Variants in THUMPD1 observed in about 807,000 individuals in gnomAD.
THUMPD1 encodes the protein THUMP domain 1 NAT10 acetyltransferase adaptor, also known as THUMP domain-containing protein 1.
In THUMPD1, 31 loss-of-function variants were observed where a neutral mutation model predicts 31.6. That is an observed-to-expected ratio of 0.98 (90% CI 0.74 to 1.32). The LOEUF (loss-of-function observed/expected upper bound fraction) is 1.32. THUMPD1 is among the 40% of genes most tolerant of loss of function. The pLI, the probability that THUMPD1 is intolerant of heterozygous loss-of-function variation, is 0.00. For missense variants in THUMPD1, 446 were observed against 427.8 expected (o/e 1.04, Z -0.38); for synonymous variants, 166 against 158.2 (o/e 1.05, Z -0.37).
At chr16:20,741,481 G>GACC in intron 1 of THUMPD1, 28 bp downstream of exon 1, 4 of 1,308,414 alleles carry the variant, frequency 3.1e-6, no homozygotes, top group South Asian at 1.8e-5. Context: ...CTGGCAGCCG[G>GACC]CCCGCCCGCC....
chr16:20,741,476 AGCCGGCCC>A, intron 1 of THUMPD1, 25 bp downstream of exon 1: 1 of 1,388,818 alleles, frequency 7.2e-7, no homozygotes, highest in Non-Finnish European at 9.5e-7. Flanking sequence ...AAGGCCTGGC[AGCCGGCCC>A]GCCCGCCCAC....
Position 20,741,545 on chromosome 16 carries a change from G to A in THUMPD1, c.195C>T (p.Leu65=). 2.6e-6 allele frequency: 4 copies of A among 1,516,584 alleles called. No homozygotes were observed. The highest frequency in any genetic ancestry group is 3.5e-6 in the Non-Finnish European group (4 of 1,133,068). 93.9% of individuals were successfully genotyped at this position (1,516,584 alleles called of 1,614,324 possible). A position where few individuals can be genotyped will look rare whatever the true frequency, so the allele number is the denominator to read the frequency against. ...CATACATGTCGTCGCCGTATTCGTT[G>A]AGGAGGCTGTAGGCCTCCTCCACGC... is the stretch of plus-strand genomic sequence containing the variant. The part of the protein sequence containing the change: ...RKCVEEAYSL[L]NEYGDDMYGP... The change falls in exon 1 of 4, where the codon CTC becomes CTT. Residue 65 remains leucine (L), a synonymous_variant. Transcript: ENST00000396083.
Position 20,736,524 on chromosome 16 carries a change from A to T in THUMPD1, c.*356T>A, listed in dbSNP as rs1406453971. On this transcript the variant is annotated 3_prime_UTR_variant, in exon 4 of 4. Coordinates refer to ENST00000396083, the MANE Select transcript of THUMPD1 (RefSeq NM_017736.5). ...GGCAGACAGCTGAGCTGTGGCATGT[A>T]AAAACTCCTTCCTTAGAATGAAAAC... 1.9e-5 allele frequency: 4 copies of T among 205,684 alleles called. No individual in the cohort carries two copies. In the East Asian group the frequency reaches 4.5e-4, roughly 23 times the overall value. The allele number at this position is 205,684 out of a possible 1,614,324, so 12.7% of individuals were successfully genotyped here.
In THUMPD1 at chr16:20,733,983, T is replaced by C. The variant is rs111573937; in HGVS notation, c.*2897A>G. Reference sequence around the variant, plus strand: ...TCATTTATAAAATAACATGCTCAAATGTCAGTGAAAATAAACAGTTGATAA... The same window carrying C: ...TCATTTATAAAATAACATGCTCAAACGTCAGTGAAAATAAACAGTTGATAA... On this transcript the variant is annotated 3_prime_UTR_variant, in exon 4 of 4. Coordinates refer to ENST00000396083, the MANE Select transcript of THUMPD1 (RefSeq NM_017736.5). The C allele has an allele frequency of 3.3e-5, 5 of 152,260 alleles. No individual in the cohort carries two copies. The highest frequency in any genetic ancestry group is 1.9e-4 in the East Asian group (1 of 5,190). The allele number at this position is 152,260 out of a possible 1,614,324, so 9.4% of individuals were successfully genotyped here.
At position 20,734,351 on chromosome 16, in the gene THUMPD1, A is replaced by G. The variant is rs1384850993; in HGVS notation, c.*2529T>C. 6.6e-6 allele frequency: 1 copy of G among 152,608 alleles called. No individual in the cohort carries two copies. Among genetic ancestry groups the G allele is most frequent in the African/African-American group, 2.4e-5 (1 of 41,452 alleles). 9.5% of individuals were successfully genotyped at this position (152,608 alleles called of 1,614,324 possible). A position where few individuals can be genotyped will look rare whatever the true frequency, so the allele number is the denominator to read the frequency against. The stretch of plus-strand genomic sequence containing the variant: ...CCCTATTCCCCTAACTGATATTAAT[A>G]ATCCTCTTATCAATCATTGCAAGGT... On this transcript the variant is annotated 3_prime_UTR_variant, in exon 4 of 4. Transcript: ENST00000396083.
intron 1 of THUMPD1, 28 bp downstream of exon 1, chr16:20,741,481 G>GGGGGGGGGC: frequency 4.6e-6 from 6 of 1,308,408 alleles, no homozygotes; most frequent in Non-Finnish European, 5.9e-6. Flanking sequence ...CTGGCAGCCG[G>GGGGGGGGGC]CCCGCCCGCC....
At chr16:20,741,481 G>GACCCCC in intron 1 of THUMPD1, 28 bp downstream of exon 1, 1 of 1,308,414 alleles carries the variant, frequency 7.6e-7, no homozygotes, top group Non-Finnish European at 9.9e-7. Context: ...CTGGCAGCCG[G>GACCCCC]CCCGCCCGCC....
chr16:20,740,960 G>C (rs1429149517), intron 1 of THUMPD1, among the ~76,000 whole-genome samples: 1 of 152,196 alleles, frequency 6.6e-6, no homozygotes, highest in East Asian at 1.9e-4. Flanking sequence ...GGCCCTCAAT[G>C]AGCAATCCTT....
rs1404701412 is a variant in THUMPD1 at position 20,734,881 on chromosome 16, C to A, written c.*1999G>T. 3 of 152,204 alleles carry A rather than the reference C, an allele frequency of 2.0e-5. No individual in the cohort carries two copies. Among genetic ancestry groups the A allele is most frequent in the Admixed American group, 2.0e-4 (3 of 15,272 alleles). The allele number at this position is 152,204 out of a possible 1,614,324, so 9.4% of individuals were successfully genotyped here. The stretch of plus-strand genomic sequence containing the variant: ...TTCTCTTCCTTCAGAGACAAAATTT[C>A]AAGCTGAGCAGATTCAGAGACAAGG... On this transcript the variant is annotated 3_prime_UTR_variant, in exon 4 of 4. Coordinates refer to ENST00000396083, the MANE Select transcript of THUMPD1 (RefSeq NM_017736.5).
intron 1 of THUMPD1, 28 bp downstream of exon 1, chr16:20,741,481 G>GGGGGGGGGGGGCCCCCCCCCCCC: frequency 1.5e-6 from 2 of 1,308,410 alleles, no homozygotes; most frequent in Non-Finnish European, 2.0e-6. Context: ...CTGGCAGCCG[G>GGGGGGGGGGGGCCCCCCCCCCCC]CCCGCCCGCC....
rs576063363 is a variant in THUMPD1 at position 20,735,203 on chromosome 16, T to C, written c.*1677A>G. 1 of 152,326 alleles carries C rather than the reference T, an allele frequency of 6.6e-6. No homozygotes were observed. The highest frequency in any genetic ancestry group is 2.1e-4 in the South Asian group (1 of 4,826). 9.4% of individuals were successfully genotyped at this position (152,326 alleles called of 1,614,324 possible). A position where few individuals can be genotyped will look rare whatever the true frequency, so the allele number is the denominator to read the frequency against. On this transcript the variant is annotated 3_prime_UTR_variant, in exon 4 of 4. Coordinates refer to ENST00000396083, the MANE Select transcript of THUMPD1 (RefSeq NM_017736.5). Reference sequence around the variant, plus strand: ...CTGCAAAATAGGCTACTTTCTGTAGTCATTTTTCATTTCCAAAGCACTCAG... The same window carrying C: ...CTGCAAAATAGGCTACTTTCTGTAGCCATTTTTCATTTCCAAAGCACTCAG...
Position 20,737,034 on chromosome 16 carries a change from C to T in THUMPD1, c.908G>A (p.Gly303Glu), listed in dbSNP as rs1459400611. The T allele has an allele frequency of 6.2e-7, 1 of 1,614,046 alleles. No individual in the cohort carries two copies. Among genetic ancestry groups the T allele is most frequent in the Non-Finnish European group, 8.5e-7 (1 of 1,180,034 alleles). The change falls in exon 4 of 4, where the codon GGA becomes GAA. Residue 303 changes from glycine to glutamate, a missense_variant. Transcript: ENST00000396083. Reference protein sequence around the residue: ...DKSDQNNTAEGKNNQQVPENT... With the variant: ...DKSDQNNTAEEKNNQQVPENT... Reference sequence around the variant, plus strand: ...CTCTGGTACCTGCTGGTTATTTTTTCCTTCTGCTGTGTTGTTTTGGTCTGA... The same window carrying T: ...CTCTGGTACCTGCTGGTTATTTTTTTCTTCTGCTGTGTTGTTTTGGTCTGA...
Position 20,739,086 on chromosome 16 carries a change from C to T in THUMPD1, c.232-15G>A. 6.2e-7 allele frequency: 1 copy of T among 1,613,728 alleles called. No homozygotes were observed. The highest frequency in any genetic ancestry group is 2.2e-5 in the East Asian group (1 of 44,878). ...TTGTCTGTAAACTGTTTGCATAAAA[C>T]TAATGAGCAGAAATGACACAACAGC... On this transcript the variant is annotated splice_polypyrimidine_tract_variant and intron_variant, in intron 1 of 3. Coordinates refer to ENST00000396083, the MANE Select transcript of THUMPD1 (RefSeq NM_017736.5).
intron 2 of THUMPD1, 106 bp downstream of exon 2, chr16:20,738,791 A>G: frequency 7.6e-7 from 1 of 1,312,052 alleles, no homozygotes; most frequent in South Asian, 1.4e-5. Flanking sequence ...CCATCAAATG[A>G]TTAACTGAGT....
intron 1 of THUMPD1, among the ~76,000 whole-genome samples, chr16:20,739,887 A>G (rs960861138): frequency 2.0e-5 from 3 of 152,062 alleles, no homozygotes; most frequent in Non-Finnish European, 4.4e-5. Flanking sequence ...AGAATGTAAA[A>G]TTTGAAAATG....
chr16:20,741,478 C>CGGGGG, intron 1 of THUMPD1, 31 bp downstream of exon 1: 3 of 1,336,934 alleles, frequency 2.2e-6, no homozygotes, highest in Non-Finnish European at 9.7e-7. Flanking sequence ...GGCCTGGCAG[C>CGGGGG]CGGCCCGCCC....
At chr16:20,739,780 C>T (rs1246600268) in intron 1 of THUMPD1, among the ~76,000 whole-genome samples, 2 of 151,200 alleles carry the variant, frequency 1.3e-5, no homozygotes, top group African/African-American at 2.4e-5. Context: ...GAGATTGCAC[C>T]ACTGCACTCC....
In THUMPD1 at chr16:20,735,237, G is replaced by C. The variant is rs1434101645; in HGVS notation, c.*1643C>G. 6.6e-6 allele frequency: 1 copy of C among 152,162 alleles called. No homozygotes were observed. Among genetic ancestry groups the C allele is most frequent in the East Asian group, 1.9e-4 (1 of 5,204 alleles). 9.4% of individuals were successfully genotyped at this position (152,162 alleles called of 1,614,324 possible). ...ATTTCCAAAGCACTCAGCAAAAGCT[G>C]GCTGTTTTATTGTAAGTACTCTGGC... is the stretch of plus-strand genomic sequence containing the variant. On this transcript the variant is annotated 3_prime_UTR_variant, in exon 4 of 4. Transcript: ENST00000396083.
In THUMPD1 at chr16:20,734,012, T is replaced by C. The variant is rs2079847812; in HGVS notation, c.*2868A>G. 2 of 152,170 alleles carry C rather than the reference T, an allele frequency of 1.3e-5. No individual in the cohort carries two copies. The highest frequency in any genetic ancestry group is 6.6e-5 in the Admixed American group (1 of 15,266). 9.4% of individuals were successfully genotyped at this position (152,170 alleles called of 1,614,324 possible). On this transcript the variant is annotated 3_prime_UTR_variant, in exon 4 of 4. Transcript: ENST00000396083. ...AGTGAAAATAAACAGTTGATAAACC[T>C]GAAAACAAGTCTTTTAATGAGTTCA... is the stretch of plus-strand genomic sequence containing the variant.
Sources: gnomAD v4.1 joint callset for allele counts (sites outside exome capture counted in the v4.1 genomes callset) on GRCh38, gnomAD v4.1.1 for gene constraint, MANE v1.5 for transcripts, NCBI Gene and HGNC (gene_info 2026-07-23, HGNC 2026-07-21) for gene names.